ACAP2: variants seen among roughly 807,000 people sequenced by gnomAD.
The protein encoded by ACAP2 is ArfGAP with coiled-coil, ankyrin repeat and PH domains 2, also known as arf-GAP with coiled-coil, ANK repeat and PH domain-containing protein 2.
A neutral mutation model predicts 115.8 loss-of-function variants in ACAP2; 39 were observed. The ratio of observed to expected loss-of-function variants is 0.34; its 90% CI spans 0.26 to 0.44. The LOEUF (loss-of-function observed/expected upper bound fraction) is 0.44. Ranked by LOEUF, ACAP2 falls within the 20% of genes least tolerant of loss-of-function variation. The pLI is 1.00. For missense variants in ACAP2, 662 were observed against 927.6 expected, an observed-to-expected ratio of 0.71 and a Z score of 3.72; for synonymous variants, 289 against 315.8, an observed-to-expected ratio of 0.92 and a Z score of 0.90.
intron 10 of ACAP2, among the ~76,000 whole-genome samples, chr3:195,318,835 A>C (rs970499476): frequency 5.3e-5 from 8 of 152,252 alleles, no homozygotes. Context: ...AGCTGCAAAA[A>C]TTTGCAAAAA....
intron 4 of ACAP2, among the ~76,000 whole-genome samples, chr3:195,369,237 AATT>A (rs1338810851): frequency 3.9e-5 from 6 of 151,992 alleles, no homozygotes; most frequent in Non-Finnish European, 7.4e-5. Context: ...GACTAAAATG[AATT>A]ATTGTTTTGT....
chr3:195,413,684 G>A (rs906898245), intron 1 of ACAP2, among the ~76,000 whole-genome samples: 5 of 152,168 alleles, frequency 3.3e-5, no homozygotes, highest in African/African-American at 1.2e-4. Flanking sequence ...AGGAGGCGGA[G>A]GCTACAGTGA....
intron 4 of ACAP2, among the ~76,000 whole-genome samples, chr3:195,369,540 T>C (rs529872377): frequency 3.3e-5 from 5 of 152,364 alleles, no homozygotes; most frequent in South Asian, 2.1e-4. Flanking sequence ...TGTTCCTATG[T>C]TAGTTTGGAT....
chr3:195,330,206 G>A (rs993872719), intron 8 of ACAP2, among the ~76,000 whole-genome samples: 1 of 151,996 alleles, frequency 6.6e-6, no homozygotes, highest in Non-Finnish European at 1.5e-5. Context: ...TTCCACCCTC[G>A]AATTGGCTGT....
chr3:195,348,366 T>C (rs1040427909), intron 4 of ACAP2, among the ~76,000 whole-genome samples: 1 of 151,658 alleles, frequency 6.6e-6, no homozygotes, highest in African/African-American at 2.4e-5. Flanking sequence ...AGAAAAAATG[T>C]GAAAAACTCC....
intron 4 of ACAP2, among the ~76,000 whole-genome samples, chr3:195,374,705 C>CCTTTTCTTTT (rs60052147): frequency 0.22 from 32,569 of 150,930 alleles, 4,211 homozygotes; most frequent in East Asian, 0.66. Context: ...ATGCAGAAGA[C>CCTTTTCTTTT]CTTTTCTTTT....
chr3:195,306,852 TAAA>T (rs36125128), intron 12 of ACAP2: 6,011 of 206,166 alleles, frequency 0.029, 206 homozygotes, highest in South Asian at 0.13. Flanking sequence ...ACTGAATATT[TAAA>T]AAAAAAAAAA....
intron 10 of ACAP2, among the ~76,000 whole-genome samples, chr3:195,318,256 A>G (rs997035276): frequency 6.6e-6 from 1 of 152,198 alleles, no homozygotes; most frequent in African/African-American, 2.4e-5. Context: ...GTGAACATGG[A>G]CTAATACAGA....
chr3:195,303,179 AAGAGTGAGACTCCAACCTGGGTGAC>A (rs1728181376), intron 13 of ACAP2, among the ~76,000 whole-genome samples: 2 of 151,898 alleles, frequency 1.3e-5, no homozygotes, highest in Non-Finnish European at 2.9e-5. Flanking sequence ...TCATGTTGAC[AAGAGTGAGACTCCAACCTGGGTGAC>A]AGAGTGAGAC....
At chr3:195,440,573 C>A (rs1715917999) in intron 1 of ACAP2, among the ~76,000 whole-genome samples, 1 of 152,158 alleles carries the variant, frequency 6.6e-6, no homozygotes, top group East Asian at 1.9e-4. Context: ...TGCCTTACTA[C>A]CAAAAAACAA....
chr3:195,316,176 ACT>A (rs1222689854), intron 10 of ACAP2, among the ~76,000 whole-genome samples: 1 of 149,718 alleles, frequency 6.7e-6, no homozygotes, highest in Non-Finnish European at 1.5e-5. Flanking sequence ...TATTATAAAG[ACT>A]CACCAGTCAA....
At chr3:195,424,032 C>T (rs1268417904) in intron 1 of ACAP2, among the ~76,000 whole-genome samples, 3 of 151,692 alleles carry the variant, frequency 2.0e-5, no homozygotes, top group Admixed American at 6.6e-5. Context: ...CCACAAATCA[C>T]GCAGGCCATA....
chr3:195,318,520 A>G (rs1308066595), intron 10 of ACAP2, among the ~76,000 whole-genome samples: 3 of 152,202 alleles, frequency 2.0e-5, no homozygotes, highest in African/African-American at 7.2e-5. Flanking sequence ...ACTGGAACAA[A>G]TGTCACTCTC....
At chr3:195,398,144 T>G (rs947960797) in intron 1 of ACAP2, among the ~76,000 whole-genome samples, 1 of 152,126 alleles carries the variant, frequency 6.6e-6, no homozygotes, top group African/African-American at 2.4e-5. Flanking sequence ...ATATGACATA[T>G]AAAATGATGA....
chr3:195,381,062 T>C lies in ACAP2; in HGVS notation c.232A>G (p.Thr78Ala), dbSNP rs761546967. ...CTGTCAGAAAACTTGGTCAAACTTG[T>C]CTATGAGAAAAAAAGCAAAAGAAAA... is the stretch of plus-strand genomic sequence containing the variant. ...QYSSNDAVVE[T>A]SLTKFSDSLQ... Residue 78 changes from threonine to alanine, a missense_variant and splice_region_variant, in exon 4 of 23, where the codon ACA becomes GCA. Around this residue, in one of 3 missense-constraint regions of ACAP2, gnomAD observed 401 missense variants for 604.4 expected, o/e 0.66. Coordinates refer to ENST00000326793, the MANE Select transcript of ACAP2 (RefSeq NM_012287.6). 2 of 1,596,204 alleles carry C rather than the reference T, an allele frequency of 1.3e-6. No individual in the cohort carries two copies. Among genetic ancestry groups the C allele is most frequent in the South Asian group, 1.2e-5 (1 of 86,830 alleles).
intron 10 of ACAP2, among the ~76,000 whole-genome samples, chr3:195,319,365 C>G (rs1196360587): frequency 6.6e-6 from 1 of 152,196 alleles, no homozygotes; most frequent in East Asian, 1.9e-4. Flanking sequence ...CCACCATCCT[C>G]CAGACCCCAG....
At chr3:195,398,281 A>G (rs956750474) in intron 1 of ACAP2, among the ~76,000 whole-genome samples, 19 of 152,236 alleles carry the variant, frequency 1.2e-4, no homozygotes, top group African/African-American at 4.3e-4. Flanking sequence ...TTCTAAATTT[A>G]TATTTACACT....
intron 5 of ACAP2, 73 bp from the exon 6 acceptor site, chr3:195,342,727 G>A (rs1730958732): frequency 1.7e-6 from 2 of 1,212,122 alleles, no homozygotes; most frequent in South Asian, 1.6e-5. Flanking sequence ...TGGGCGCGGT[G>A]GCTCACACCT....
At chr3:195,290,232 G>T (rs186814908) in intron 20 of ACAP2, among the ~76,000 whole-genome samples, 9 of 152,000 alleles carry the variant, frequency 5.9e-5, no homozygotes, top group Admixed American at 4.6e-4. Flanking sequence ...AGCCGGGAGT[G>T]GCAGGGCATG....
Sources: allele counts gnomAD v4.1 joint callset (sites outside exome capture counted in the v4.1 genomes callset), GRCh38; gene constraint gnomAD v4.1.1; regional missense constraint gnomAD v4.1.1; transcripts MANE v1.5; gene names NCBI Gene and HGNC (gene_info 2026-07-23, HGNC 2026-07-21).